The following ASTN2 variants were observed in gnomAD, a reference collection of about 807,000 sequenced individuals.
ASTN2 encodes the protein astrotactin 2, also known as astrotactin-2.
A neutral mutation model predicts 139.8 loss-of-function variants in ASTN2; 54 were observed. That is an observed-to-expected ratio of 0.39 (90% CI 0.31 to 0.48). ASTN2 has a LOEUF of 0.48. Among genes scored for constraint, ASTN2 ranks in the 20% least tolerant of loss-of-function variants. The pLI is 0.95. For synonymous variants in ASTN2, 756 were observed against 719.5 expected (o/e 1.05, Z -0.81); for missense variants, 1,565 against 1,725.1 (o/e 0.91, Z 1.64).
At chr9:116,744,774 T>C (rs1170944328) in intron 13 of ASTN2, among the ~76,000 whole-genome samples, 1 of 152,168 alleles carries the variant, frequency 6.6e-6, no homozygotes, top group East Asian at 1.9e-4. Context: ...CCTGAGTTCA[T>C]TAACCACAGC....
chr9:116,575,838 T>G (rs1020488969), intron 19 of ASTN2, among the ~76,000 whole-genome samples: 2 of 152,024 alleles, frequency 1.3e-5, no homozygotes, highest in Non-Finnish European at 2.9e-5. Context: ...AGTGAGCTGA[T>G]AAGGGAAATG....
chr9:116,681,922 CT>C (rs1349063067), intron 16 of ASTN2, among the ~76,000 whole-genome samples: 1 of 151,108 alleles, frequency 6.6e-6, no homozygotes, highest in African/African-American at 2.4e-5. Flanking sequence ...CATAAAAACC[CT>C]AGAAGAAAAC....
intron 19 of ASTN2, among the ~76,000 whole-genome samples, chr9:116,498,036 A>G (rs1397099379): frequency 6.6e-6 from 1 of 152,144 alleles, no homozygotes; most frequent in African/African-American, 2.4e-5. Context: ...GGGCCCTAGG[A>G]GCCCCTCTGT....
At chr9:116,885,205 AG>A (rs1353068329) in intron 10 of ASTN2, among the ~76,000 whole-genome samples, 1 of 152,192 alleles carries the variant, frequency 6.6e-6, no homozygotes, top group African/African-American at 2.4e-5. Context: ...TCAATTAGCT[AG>A]AAGAGAAGAC....
intron 19 of ASTN2, among the ~76,000 whole-genome samples, chr9:116,505,294 C>T (rs1850059906): frequency 6.6e-6 from 1 of 151,890 alleles, no homozygotes; most frequent in South Asian, 2.1e-4. Flanking sequence ...GGAGTCTCTG[C>T]TCTGTGGAAA....
At chr9:116,807,675 T>C (rs1831062856) in intron 12 of ASTN2, among the ~76,000 whole-genome samples, 1 of 152,164 alleles carries the variant, frequency 6.6e-6, no homozygotes, top group South Asian at 2.1e-4. Context: ...GTTCCATCCA[T>C]TTATTGAGAA....
At chr9:116,539,340 T>G (rs1851781112) in intron 19 of ASTN2, among the ~76,000 whole-genome samples, 1 of 151,106 alleles carries the variant, frequency 6.6e-6, no homozygotes. Context: ...GTATGGTATG[T>G]AAATTATATT....
chr9:116,942,384 T>A (rs1292115541), intron 10 of ASTN2, among the ~76,000 whole-genome samples: 1 of 152,146 alleles, frequency 6.6e-6, no homozygotes, highest in East Asian at 1.9e-4. Context: ...CCTTCCTACC[T>A]CCTTTAGGGT....
rs1190512893 is a variant in ASTN2, at chr9:116,699,442, ACTT to A, written c.2806+26326_2806+26328del. 6.8e-6 allele frequency: 11 copies of A among 1,613,608 alleles called. No individual in the cohort carries two copies. The highest frequency in any genetic ancestry group is 1.6e-4 in the Middle Eastern group (1 of 6,062). On this transcript the variant is annotated intron_variant, in intron 16 of 22. Coordinates refer to ENST00000313400, the MANE Select transcript of ASTN2 (RefSeq NM_001365068.1). This position sits in a 1 kb window ranked among gnomAD's most constrained non-coding sequence, Gnocchi z 4.2. ...GGGCAGCTGGGTCGCCAGATTAGCC[ACTT>A]CTTCTCGGAGAATGAGGATTTCCGC...
At chr9:117,236,308 G>A (rs1833043230) in intron 2 of ASTN2, among the ~76,000 whole-genome samples, 1 of 152,162 alleles carries the variant, frequency 6.6e-6, no homozygotes, top group African/African-American at 2.4e-5. Flanking sequence ...CCACAGTCCT[G>A]GAACAGTACT....
chr9:116,573,504 T>C (rs1853604969), intron 19 of ASTN2, among the ~76,000 whole-genome samples: 1 of 152,202 alleles, frequency 6.6e-6, no homozygotes, highest in African/African-American at 2.4e-5. Context: ...AAGATATGAA[T>C]AATGGATTTT....
intron 19 of ASTN2, among the ~76,000 whole-genome samples, chr9:116,522,705 A>G (rs760178225): frequency 2.0e-5 from 3 of 152,126 alleles, no homozygotes; most frequent in Non-Finnish European, 2.9e-5. Context: ...GAAGATGAAG[A>G]GGAAGAGGAA....
rs116274332 is a variant in ASTN2 at position 117,218,048 on chromosome 9, T to C, written c.631-3306A>G. On this transcript the variant is annotated intron_variant, in intron 2 of 22. Coordinates refer to ENST00000313400, the MANE Select transcript of ASTN2 (RefSeq NM_001365068.1). ...TAGCTCCAGCATGACTTTAAAACCATGCTCGGAGTGGAGAAGGCACAGGAG... is the reference window on the plus strand; with the variant it reads ...TAGCTCCAGCATGACTTTAAAACCACGCTCGGAGTGGAGAAGGCACAGGAG... Among the ~76,000 whole-genome samples, 1,114 of 152,316 alleles carry C rather than the reference T, an allele frequency of 7.3e-3. 16 individuals carry two copies. The highest frequency in any genetic ancestry group is 0.025 in the African/African-American group (1,044 of 41,570).
At position 116,470,536 on chromosome 9, in the gene ASTN2, T is replaced by C. The variant is rs552129425; in HGVS notation, c.3497+16823A>G. Among the ~76,000 whole-genome samples, 6 of 152,364 alleles carry C rather than the reference T, an allele frequency of 3.9e-5. No individual in the cohort carries two copies. The South Asian group carries it at 1.0e-3, about 26-fold the overall frequency. Reference sequence around the variant, plus strand: ...CAAAATAGTGATAATAAAAAAACACTGTCTCATTGAGAAGGGTGGATGGAT... The same window carrying C: ...CAAAATAGTGATAATAAAAAAACACCGTCTCATTGAGAAGGGTGGATGGAT... On this transcript the variant is annotated intron_variant, in intron 20 of 22. Transcript: ENST00000313400.
intron 13 of ASTN2, among the ~76,000 whole-genome samples, chr9:116,757,793 G>T (rs768236299): frequency 4.3e-4 from 66 of 152,096 alleles, no homozygotes; most frequent in Non-Finnish European, 7.9e-4. Flanking sequence ...TGGCTGATTG[G>T]CCCAGTGGAT....
At chr9:117,269,943 C>A (rs1470798165) in intron 2 of ASTN2, among the ~76,000 whole-genome samples, 1 of 152,136 alleles carries the variant, frequency 6.6e-6, no homozygotes, top group African/African-American at 2.4e-5. Context: ...CTCACTGAAT[C>A]CACATGCCCA....
intron 1 of ASTN2, among the ~76,000 whole-genome samples, chr9:117,398,058 G>A (rs946733): frequency 0.19 from 28,928 of 152,010 alleles, 3,130 homozygotes; most frequent in East Asian, 0.39. Flanking sequence ...GTACATGTAC[G>A]AATGTTTCTG....
intron 3 of ASTN2, among the ~76,000 whole-genome samples, chr9:117,193,411 G>C (rs189452799): frequency 1.9e-3 from 292 of 152,082 alleles, no homozygotes; most frequent in African/African-American, 6.6e-3. Flanking sequence ...AGGCTGAGGT[G>C]GTTGGATCAT....
At chr9:117,368,149 T>G (rs887073435) in intron 1 of ASTN2, among the ~76,000 whole-genome samples, 1 of 152,056 alleles carries the variant, frequency 6.6e-6, no homozygotes, top group African/African-American at 2.4e-5. Context: ...AAAAAACTAG[T>G]GTAATGTTTA....
Sources: allele counts gnomAD v4.1 joint callset (sites outside exome capture counted in the v4.1 genomes callset), GRCh38; gene constraint gnomAD v4.1.1; non-coding constraint Gnocchi (gnomAD v3.1); transcripts MANE v1.5; gene names NCBI Gene and HGNC (gene_info 2026-07-23, HGNC 2026-07-21).